The following UVRAG variants were observed in gnomAD, a reference collection of about 807,000 sequenced individuals.
The protein encoded by UVRAG is UV radiation resistance associated.
UVRAG carries 19 observed loss-of-function variants against 78.0 expected under a neutral mutation model. The observed-to-expected ratio is 0.24, with a 90% CI of 0.17 to 0.36. The LOEUF (loss-of-function observed/expected upper bound fraction) is 0.36. UVRAG is among the 10% of genes least tolerant of loss of function. UVRAG has a pLI of 1.00. For missense variants in UVRAG, 740 were observed against 853.8 expected (o/e 0.87, Z 1.66); for synonymous variants, 323 against 324.6 (o/e 1.00, Z 0.05).
chr11:75,828,754 C>CAT (rs776673600), intron 1 of UVRAG, among the ~76,000 whole-genome samples: 2,183 of 78,084 alleles, frequency 0.028, 38 homozygotes, highest in Middle Eastern at 0.068. Context: ...TATACACACA[C>CAT]ATATATATAT....
chr11:75,887,502 C>G (rs527272756), intron 4 of UVRAG, among the ~76,000 whole-genome samples: 144 of 143,588 alleles, frequency 1.0e-3, no homozygotes, highest in African/African-American at 3.6e-3. Context: ...GGCTGGAGTG[C>G]AGTGGCACAA....
chr11:75,825,846 T>C (rs1398549556), intron 1 of UVRAG, among the ~76,000 whole-genome samples: 1 of 152,104 alleles, frequency 6.6e-6, no homozygotes, highest in East Asian at 1.9e-4. Context: ...TGTTTCTTTT[T>C]TTTTTTTGAG....
intron 1 of UVRAG, among the ~76,000 whole-genome samples, chr11:75,848,004 C>A (rs1197609063): frequency 6.8e-6 from 1 of 146,466 alleles, no homozygotes; most frequent in African/African-American, 2.6e-5. Flanking sequence ...TTTATTAGCA[C>A]GGGCAACATA....
intron 1 of UVRAG, among the ~76,000 whole-genome samples, chr11:75,818,060 AAAACAAACAAAC>A (rs145140799): frequency 6.6e-6 from 1 of 151,046 alleles, no homozygotes; most frequent in African/African-American, 2.5e-5. Context: ...ACTCTATCTA[AAAACAAACAAAC>A]AAACAAACAA....
At chr11:76,077,390 G>A (rs150216992) in intron 13 of UVRAG, among the ~76,000 whole-genome samples, 22 of 152,090 alleles carry the variant, frequency 1.4e-4, no homozygotes, top group African/African-American at 4.6e-4. Flanking sequence ...CATTTTTAAT[G>A]TCATTGACTA....
intron 8 of UVRAG, among the ~76,000 whole-genome samples, chr11:75,995,638 A>G (rs1319869201): frequency 2.6e-5 from 4 of 152,048 alleles, no homozygotes; most frequent in Non-Finnish European, 4.4e-5. Context: ...CAGTATATTT[A>G]AATTGATACT....
intron 7 of UVRAG, among the ~76,000 whole-genome samples, chr11:75,970,454 C>T (rs749434329): frequency 5.9e-5 from 9 of 152,024 alleles, no homozygotes; most frequent in East Asian, 3.9e-4. Context: ...CAGAAAGGGC[C>T]GGGCATGATG....
intron 6 of UVRAG, among the ~76,000 whole-genome samples, chr11:75,938,072 T>A (rs953133910): frequency 6.6e-6 from 1 of 150,600 alleles, no homozygotes; most frequent in Non-Finnish European, 1.5e-5. Flanking sequence ...TGTATATATA[T>A]GTATATGTAT....
In UVRAG at chr11:76,036,734, TA is replaced by T. The variant is rs533006435; in HGVS notation, c.1226+19765del. On this transcript the variant is annotated intron_variant, in intron 12 of 14. Coordinates refer to ENST00000356136, the MANE Select transcript of UVRAG (RefSeq NM_003369.4). ...AATATTCAAAACATGGTGGCTGAGT[TA>T]AAAAAAAAAACACAGACAATATTAA... is the stretch of plus-strand genomic sequence containing the variant. Among the ~76,000 whole-genome samples the T allele has an allele frequency of 9.3e-4, 133 of 142,778 alleles. 1 individual carries two copies. The highest frequency in any genetic ancestry group is 8.2e-3 in the South Asian group (37 of 4,532). 93.7% of individuals were successfully genotyped at this position (142,778 alleles called of 152,430 possible).
intron 1 of UVRAG, among the ~76,000 whole-genome samples, chr11:75,829,950 G>C (rs940350757): frequency 6.6e-6 from 1 of 151,970 alleles, no homozygotes; most frequent in African/African-American, 2.4e-5. Flanking sequence ...AGCAATTCTC[G>C]TGCCTCGGCC....
chr11:76,064,885 T>C (rs1408145883), intron 12 of UVRAG, among the ~76,000 whole-genome samples: 2 of 152,248 alleles, frequency 1.3e-5, no homozygotes, highest in African/African-American at 2.4e-5. Context: ...AGTTTTCTTC[T>C]TGACCCTAAG....
chr11:76,023,516 T>C (rs1290454695), intron 12 of UVRAG, among the ~76,000 whole-genome samples: 1 of 152,154 alleles, frequency 6.6e-6, no homozygotes, highest in East Asian at 1.9e-4. Flanking sequence ...TTTTCAGTTC[T>C]GAGTGAGTTC....
chr11:75,855,301 C>T (rs139760130), intron 2 of UVRAG, among the ~76,000 whole-genome samples: 9 of 152,180 alleles, frequency 5.9e-5, no homozygotes, highest in Admixed American at 1.3e-4. Context: ...TGACAGAGCA[C>T]GGGGAAGTCC....
chr11:75,848,014 AG>A (rs1946072932), intron 1 of UVRAG, among the ~76,000 whole-genome samples: 1 of 149,132 alleles, frequency 6.7e-6, no homozygotes, highest in South Asian at 2.1e-4. Context: ...CGGGCAACAT[AG>A]GGAGACTCTG....
chr11:76,041,518 A>C (rs559780455), intron 12 of UVRAG, among the ~76,000 whole-genome samples: 1 of 152,308 alleles, frequency 6.6e-6, no homozygotes, highest in South Asian at 2.1e-4. Context: ...ACAGACACCA[A>C]ATGGAATCTG....
At chr11:75,982,306 C>T (rs1401609653) in intron 7 of UVRAG, among the ~76,000 whole-genome samples, 2 of 152,134 alleles carry the variant, frequency 1.3e-5, no homozygotes, top group Non-Finnish European at 2.9e-5. Flanking sequence ...GCTCCCCTTG[C>T]CTTAATTAAT....
At position 76,143,931 on chromosome 11, in the gene UVRAG, CTT is replaced by C. The variant is rs1213372255; in HGVS notation, c.*2521_*2522del. 2.0e-5 allele frequency among the ~76,000 whole-genome samples: 3 copies of C among 152,212 alleles called. No individual in the cohort carries two copies. Among genetic ancestry groups the C allele is most frequent in the Non-Finnish European group, 4.4e-5 (3 of 68,026 alleles). The stretch of plus-strand genomic sequence containing the variant: ...TTTCAGTTTTCTTACAGCTGAGACA[CTT>C]TTAAACAGCGGGCAAATGTTATCAA... On this transcript the variant is annotated 3_prime_UTR_variant, in exon 15 of 15. Coordinates refer to ENST00000356136, the MANE Select transcript of UVRAG (RefSeq NM_003369.4).
At chr11:75,993,747 G>C (rs1949655818) in intron 8 of UVRAG, among the ~76,000 whole-genome samples, 1 of 152,170 alleles carries the variant, frequency 6.6e-6, no homozygotes, top group African/African-American at 2.4e-5. Context: ...ACCTGATGCT[G>C]GGTAATTTAT....
At position 76,141,448 on chromosome 11, in the gene UVRAG, C is replaced by A. The variant is rs1418735275; in HGVS notation, c.*35C>A. ...GTCAACAGTAGGACTGGGGCAGAAG[C>A]TCTGCCTAAAATGAAGTGAAAGCTG... On this transcript the variant is annotated 3_prime_UTR_variant, in exon 15 of 15. Coordinates refer to ENST00000356136, the MANE Select transcript of UVRAG (RefSeq NM_003369.4). The A allele has an allele frequency of 1.3e-6, 2 of 1,577,072 alleles. No homozygotes were observed. Among genetic ancestry groups the A allele is most frequent in the South Asian group, 2.3e-5 (2 of 88,226 alleles).
Sources: gnomAD v4.1 joint callset for allele counts (sites outside exome capture counted in the v4.1 genomes callset) on GRCh38, gnomAD v4.1.1 for gene constraint, MANE v1.5 for transcripts, NCBI Gene and HGNC (gene_info 2026-07-23, HGNC 2026-07-21) for gene names.